The following SMAD6 variants were observed in gnomAD, a reference collection of about 807,000 sequenced individuals.
SMAD6 encodes the protein SMAD family member 6, also known as MAD homolog 6.
Under a neutral mutation model 39.4 loss-of-function variants are expected in SMAD6, and 103 were observed. That is an observed-to-expected ratio of 2.62 (90% CI 2.23 to 3.08). The LOEUF (loss-of-function observed/expected upper bound fraction) is 3.08. Among genes scored for constraint, SMAD6 ranks in the 30% most tolerant of loss-of-function variants. The probability of loss-of-function intolerance (pLI) is 0.00; values close to 1 mark genes in which losing one functional copy is unlikely to be tolerated. For synonymous variants in SMAD6, 445 were observed against 353.3 expected (o/e 1.26, Z -2.91); for missense variants, 1,104 against 742.9 (o/e 1.49, Z -5.65).
At chr15:66,715,794 A>G (rs1445074328) in intron 2 of SMAD6, among the ~76,000 whole-genome samples, 3 of 152,148 alleles carry the variant, frequency 2.0e-5, no homozygotes, top group Non-Finnish European at 4.4e-5. Flanking sequence ...ACGCCTTAAA[A>G]AAAAACAGTC....
At chr15:66,732,502 C>T (rs912715453) in intron 3 of SMAD6, among the ~76,000 whole-genome samples, 2 of 152,114 alleles carry the variant, frequency 1.3e-5, no homozygotes, top group African/African-American at 4.8e-5. Flanking sequence ...AGCTGTGTCC[C>T]ACTGTATCTG....
At chr15:66,751,036 C>T (rs1428802855) in intron 3 of SMAD6, among the ~76,000 whole-genome samples, 1 of 152,184 alleles carries the variant, frequency 6.6e-6, no homozygotes, top group Non-Finnish European at 1.5e-5. Context: ...CTGCACTGGT[C>T]TCCTAGAGCA....
intron 3 of SMAD6, chr15:66,716,904 G>T: frequency 9.4e-7 from 1 of 1,067,432 alleles, no homozygotes; most frequent in Admixed American, 2.4e-5. Context: ...CCAATGTGAA[G>T]GGTCAGAAGA....
Position 66,781,716 on chromosome 15 carries a change from G to T in SMAD6, c.*181G>T, listed in dbSNP as rs1894582691. 1 of 418,192 alleles carries T rather than the reference G, an allele frequency of 2.4e-6. No homozygotes were observed. The highest frequency in any genetic ancestry group is 4.2e-6 in the Non-Finnish European group (1 of 239,178). 25.9% of individuals were successfully genotyped at this position (418,192 alleles called of 1,614,324 possible). ...AATATATATTATACTTGTAATTATG[G>T]AGTCATTTTTACAATGTAATTATTT... On this transcript the variant is annotated 3_prime_UTR_variant, in exon 4 of 4. Transcript: ENST00000288840.
intron 3 of SMAD6, among the ~76,000 whole-genome samples, chr15:66,751,086 G>C (rs1039676570): frequency 1.9e-4 from 29 of 152,162 alleles, no homozygotes; most frequent in African/African-American, 6.8e-4. Flanking sequence ...GCAAGCCCCT[G>C]CCTTTTGGAG....
intron 3 of SMAD6, among the ~76,000 whole-genome samples, chr15:66,754,758 G>A (rs1595789380): frequency 6.6e-6 from 1 of 152,176 alleles, no homozygotes; most frequent in Non-Finnish European, 1.5e-5. Context: ...CTGCAGCTCA[G>A]AGGAAAGTTA....
Position 66,781,763 on chromosome 15 carries a change from T to C in SMAD6, c.*228T>C, listed in dbSNP as rs1035190607. ...ATTTATGTATGGTGCAATGTGTGTATATGGACAAAACAAGAAAGACGCACT... is the reference window on the plus strand; with the variant it reads ...ATTTATGTATGGTGCAATGTGTGTACATGGACAAAACAAGAAAGACGCACT... On this transcript the variant is annotated 3_prime_UTR_variant, in exon 4 of 4. Coordinates refer to ENST00000288840, the MANE Select transcript of SMAD6 (RefSeq NM_005585.5). 3 of 401,504 alleles carry C rather than the reference T, an allele frequency of 7.5e-6. No individual in the cohort carries two copies. The highest frequency in any genetic ancestry group is 6.2e-5 in the African/African-American group (3 of 48,638). The allele number at this position is 401,504 out of a possible 1,614,324, so 24.9% of individuals were successfully genotyped here.
At chr15:66,748,603 C>CT (rs1230335358) in intron 3 of SMAD6, among the ~76,000 whole-genome samples, 1 of 152,142 alleles carries the variant, frequency 6.6e-6, no homozygotes, top group Non-Finnish European at 1.5e-5. Flanking sequence ...GAATTGCATA[C>CT]TTTCATCTTT....
At position 66,703,501 on chromosome 15, in the gene SMAD6, G is replaced by A; in HGVS notation, c.243G>A (p.Gly81=). 4.1e-6 allele frequency: 5 copies of A among 1,227,340 alleles called. No homozygotes were observed. The highest frequency in any genetic ancestry group is 5.1e-6 in the Non-Finnish European group (5 of 981,324). 76.0% of individuals were successfully genotyped at this position (1,227,340 alleles called of 1,614,324 possible). ...GACAGCGAGGCGCCCAGGGCGCGGGGAGGCGCCGGCGCGCAGGGGGCCCCC... is the reference window on the plus strand; with the variant it reads ...GACAGCGAGGCGCCCAGGGCGCGGGAAGGCGCCGGCGCGCAGGGGGCCCCC... ...AVGQRGAQGA[G]RRRRAGGPPR... Residue 81 remains glycine (G), a synonymous_variant, in exon 1 of 4, where the codon GGG becomes GGA. Transcript: ENST00000288840.
At chr15:66,736,997 T>G (rs961627928) in intron 3 of SMAD6, among the ~76,000 whole-genome samples, 2 of 152,174 alleles carry the variant, frequency 1.3e-5, no homozygotes, top group Admixed American at 6.5e-5. Flanking sequence ...GCTCTGCAGG[T>G]GAATCTAACA....
At position 66,731,682 on chromosome 15, in the gene SMAD6, A is replaced by G. The variant is rs183339573; in HGVS notation, c.952+15184A>G. ...GTTATTTCCAGTTTTTTTGGCTACA[A>G]AGGTTTGTGTTCAGATTTTTGTGTG... On this transcript the variant is annotated intron_variant, in intron 3 of 3. Coordinates refer to ENST00000288840, the MANE Select transcript of SMAD6 (RefSeq NM_005585.5). Among the ~76,000 whole-genome samples, 525 of 152,260 alleles carry G rather than the reference A, an allele frequency of 3.4e-3. 3 individuals carry two copies. The highest frequency in any genetic ancestry group is 0.012 in the African/African-American group (507 of 41,566).
chr15:66,746,565 A>G (rs1245788092), intron 3 of SMAD6, among the ~76,000 whole-genome samples: 1 of 152,142 alleles, frequency 6.6e-6, no homozygotes, highest in Non-Finnish European at 1.5e-5. Context: ...ATACCTGCTT[A>G]TTAAAAGTCA....
intron 3 of SMAD6, among the ~76,000 whole-genome samples, chr15:66,727,984 G>A (rs1164995313): frequency 1.3e-5 from 2 of 151,898 alleles, no homozygotes; most frequent in East Asian, 1.9e-4. Context: ...TCCCCAAGTA[G>A]CTGGGATTAC....
Position 66,703,933 on chromosome 15 carries a change from G to A in SMAD6, c.675G>A (p.Leu225=). The A allele has an allele frequency of 2.2e-6, 3 of 1,366,422 alleles. No individual in the cohort carries two copies. Among genetic ancestry groups the A allele is most frequent in the South Asian group, 3.5e-5 (2 of 57,608 alleles). The allele number at this position is 1,366,422 out of a possible 1,614,324, so 84.6% of individuals were successfully genotyped here. A position where few individuals can be genotyped will look rare whatever the true frequency, so the allele number is the denominator to read the frequency against. ...GCCAGCCCGCGCCGCCGCAGCTGCT[G>A]CTCGGCCGCCTCTTTCGCTGGCCCG... ...LGGQPAPPQL[L]LGRLFRWPDL... Residue 225 remains leucine (L), a synonymous_variant, in exon 1 of 4, where the codon CTG becomes CTA. Transcript: ENST00000288840.
intron 1 of SMAD6, chr15:66,704,953 G>C (rs1389667421): frequency 6.6e-6 from 1 of 152,462 alleles, no homozygotes; most frequent in African/African-American, 2.4e-5. Context: ...CAGCAGGCCA[G>C]GAGCTTGCAG....
intron 3 of SMAD6, among the ~76,000 whole-genome samples, chr15:66,742,061 C>T (rs1893825067): frequency 6.6e-6 from 1 of 152,218 alleles, no homozygotes; most frequent in African/African-American, 2.4e-5. Context: ...TGCTGCCTTT[C>T]CCTGTCCCCA....
chr15:66,751,606 G>A (rs1037028252), intron 3 of SMAD6, among the ~76,000 whole-genome samples: 2 of 152,232 alleles, frequency 1.3e-5, no homozygotes, highest in Non-Finnish European at 2.9e-5. Context: ...TGGCAGGCCT[G>A]TGTCAAGGTC....
Position 66,716,496 on chromosome 15 carries a change from C to A in SMAD6, c.950C>A (p.Ser317Ter). 2 of 1,610,248 alleles carry A rather than the reference C, an allele frequency of 1.2e-6. No individual in the cohort carries two copies. The highest frequency in any genetic ancestry group is 1.1e-5 in the South Asian group (1 of 91,016). Residue 317 changes from serine (S) to a stop codon, truncating the protein, a stop_gained and splice_region_variant, in exon 3 of 4, where the codon TCA becomes TAA. Transcript: ENST00000288840. LOFTEE classifies it high-confidence loss of function. The part of the protein sequence containing the change: ...NSLITAPGEF[S>*]DASMSPDATK... ...CTCATCACTGCTCCGGGTGAATTCT[C>A]AGGTCAGCATTTTTTCTTGTGCATT...
chr15:66,703,929 TGCTG>T lies in SMAD6; in HGVS notation c.672_675del (p.Leu225SerfsTer16). ...GGCGGCCAGCCCGCGCCGCCGCAGC[TGCTG>T]CTCGGCCGCCTCTTTCGCTGGCCCG... On this transcript the variant is annotated frameshift_variant, in exon 1 of 4. Coordinates refer to ENST00000288840, the MANE Select transcript of SMAD6 (RefSeq NM_005585.5). LOFTEE classifies it high-confidence loss of function. The T allele has an allele frequency of 7.4e-7, 1 of 1,342,610 alleles. No individual in the cohort carries two copies. The highest frequency in any genetic ancestry group is 9.5e-7 in the Non-Finnish European group (1 of 1,048,422). 83.2% of individuals were successfully genotyped at this position (1,342,610 alleles called of 1,614,324 possible).
Sources: gnomAD v4.1 joint callset for allele counts (sites outside exome capture counted in the v4.1 genomes callset) on GRCh38, gnomAD v4.1.1 for gene constraint, MANE v1.5 for transcripts, NCBI Gene and HGNC (gene_info 2026-07-23, HGNC 2026-07-21) for gene names.